Variants in STAT6 observed in about 807,000 individuals in gnomAD.
STAT6 encodes the protein signal transducer and activator of transcription 6.
In STAT6, 45 loss-of-function variants were observed where a neutral mutation model predicts 106.3. The ratio of observed to expected loss-of-function variants is 0.42; its 90% confidence interval spans 0.33 to 0.54. The LOEUF (loss-of-function observed/expected upper bound fraction) is 0.54, where lower values mean the gene tolerates loss of function less well. Among genes scored for constraint, STAT6 ranks in the 20% least tolerant of loss-of-function variants. The probability of loss-of-function intolerance (pLI) is 0.06; values close to 1 mark genes in which losing one functional copy is unlikely to be tolerated. For synonymous variants in STAT6, 413 were observed against 413.6 expected (o/e 1.00, Z 0.02); for missense variants, 797 against 1,062.2 (o/e 0.75, Z 3.47).
At chr12:57,110,862 C>T (rs1215894322) in intron 1 of STAT6, among the ~76,000 whole-genome samples, 1 of 152,100 alleles carries the variant, frequency 6.6e-6, no homozygotes, top group African/African-American at 2.4e-5. Context: ...CCTCCTTTCC[C>T]TGACTTTCCA....
Position 57,099,197 on chromosome 12 carries a change from G to A in STAT6, c.1891+97C>T. On this transcript the variant is annotated intron_variant, in intron 16 of 21. Transcript: ENST00000300134. This position sits in a 1 kb window ranked among gnomAD's most constrained non-coding sequence, Gnocchi z 4.7. The stretch of plus-strand genomic sequence containing the variant: ...GAAGCACAGCTATGAAATAGGGAGT[G>A]ACATCAGGATGACACGCGGGCAGGG... The A allele has an allele frequency of 6.3e-7, 1 of 1,595,100 alleles. No homozygotes were observed. Among genetic ancestry groups the A allele is most frequent in the East Asian group, 2.2e-5 (1 of 44,782 alleles).
intron 1 of STAT6, among the ~76,000 whole-genome samples, chr12:57,110,787 TG>T (rs1187196273): frequency 6.6e-6 from 1 of 152,058 alleles, no homozygotes; most frequent in African/African-American, 2.4e-5. Flanking sequence ...CACTGCCCTC[TG>T]GCATCAACCT....
chr12:57,097,382 TC>T (rs1170844130), intron 19 of STAT6: 3 of 352,842 alleles, frequency 8.5e-6, no homozygotes, highest in Non-Finnish European at 1.5e-5. Flanking sequence ...AGTCCCCAAG[TC>T]CTCACTCCCG....
chr12:57,100,672 GAAAGAAAGAAAGAAAGAAAGAAAGAA>G (rs1565684136), intron 13 of STAT6, among the ~76,000 whole-genome samples: 90 of 41,596 alleles, frequency 2.2e-3, no homozygotes, highest in East Asian at 5.3e-3. Context: ...AAGAAAGAAA[GAAAGAAAGAAAGAAAGAAAGAAAGAA>G]AGAGAAAGAA....
At chr12:57,105,640 T>G in intron 7 of STAT6, 41 bp from the exon 8 acceptor site, 6 of 1,603,680 alleles carry the variant, frequency 3.7e-6, no homozygotes, top group Non-Finnish European at 4.3e-6. Context: ...GGATTAAGGC[T>G]GCTTGCTCCG....
intron 2 of STAT6, 94 bp from the exon 3 acceptor site, chr12:57,107,837 C>G (rs2034371798): frequency 6.5e-7 from 1 of 1,537,512 alleles, no homozygotes; most frequent in Non-Finnish European, 8.8e-7. Context: ...CAGTTCCTTT[C>G]TCGCTCCTTA....
Position 57,106,568 on chromosome 12 carries a change from C to G in STAT6, c.491G>C (p.Ser164Thr), listed in dbSNP as rs1471782274. Reference protein sequence around the residue: ...GAEAGQVSLHSLIETPANGTG... With the variant: ...GAEAGQVSLHTLIETPANGTG... ...CCCATTAGCAGGAGTTTCTATCAAG[C>G]TGTGCAGAGACACTGAGGGTTGGGG... Residue 164 changes from serine (S) to threonine (T), a missense_variant, in exon 6 of 22, where the codon AGC (serine) becomes ACC (threonine). Physicochemically the swap from Ser to Thr is moderately conservative, Grantham distance 58 (BLOSUM62 1). This residue lies in a region of STAT6 where 336 missense variants were observed against 429.8 expected (regional missense o/e 0.78). Coordinates refer to ENST00000300134, the MANE Select transcript of STAT6 (RefSeq NM_003153.5). 6.2e-7 allele frequency: 1 copy of G among 1,614,190 alleles called. No homozygotes were observed. The highest frequency in any genetic ancestry group is 1.7e-5 in the Admixed American group (1 of 60,020).
rs1030603227 is a variant in STAT6 at position 57,104,329 on chromosome 12, G to A, written c.1212+135C>T. 4.1e-5 allele frequency: 53 copies of A among 1,306,934 alleles called. 2 individuals are homozygous for A. In the South Asian group the frequency reaches 5.0e-4, roughly 12 times the overall value. The allele number at this position is 1,306,934 out of a possible 1,614,324, so 81.0% of individuals were successfully genotyped here. A position where few individuals can be genotyped will look rare whatever the true frequency, so the allele number is the denominator to read the frequency against. The stretch of plus-strand genomic sequence containing the variant: ...TGCTCTTGCTCACCCCCACTCACCC[G>A]GGCCCCAGTGTGCATGAATCCCAGA... On this transcript the variant is annotated intron_variant, in intron 11 of 21. Coordinates refer to ENST00000300134, the MANE Select transcript of STAT6 (RefSeq NM_003153.5).
chr12:57,102,434 G>A lies in STAT6; in HGVS notation c.1368C>T (p.Asn456=). The part of the protein sequence containing the change: ...VPWEKMCETL[N]LKFMAEVGTN... ...TCCCCACCTCAGCCATGAACTTCAG[G>A]TTCAGAGTTTCACACATCTTCTCCC... is the stretch of plus-strand genomic sequence containing the variant. Residue 456 remains asparagine (N), a synonymous_variant, in exon 13 of 22, where the codon AAC becomes AAT. Coordinates refer to ENST00000300134, the MANE Select transcript of STAT6 (RefSeq NM_003153.5). 1.2e-6 allele frequency: 2 copies of A among 1,614,032 alleles called. No homozygotes were observed. Among genetic ancestry groups the A allele is most frequent in the Non-Finnish European group, 1.7e-6 (2 of 1,180,014 alleles).
In STAT6 at chr12:57,105,153, T is replaced by A. The variant is rs934307084; in HGVS notation, c.999A>T (p.Gly333=). The part of the protein sequence containing the change: ...ELSVPQGPGA[G]AESTGEIINN... ...CCCCAGGTCCAATCCCAGCTTACGC[T>A]CCAGCCCCAGGACCCTGAGGCACAC... is the stretch of plus-strand genomic sequence containing the variant. The change falls in exon 9 of 22, where the codon GGA becomes GGT. Residue 333 remains glycine (G), a splice_region_variant and synonymous_variant. Coordinates refer to ENST00000300134, the MANE Select transcript of STAT6 (RefSeq NM_003153.5). 6.2e-7 allele frequency: 1 copy of A among 1,609,720 alleles called. No individual in the cohort carries two copies. The highest frequency in any genetic ancestry group is 1.3e-5 in the African/African-American group (1 of 74,736).
intron 1 of STAT6, among the ~76,000 whole-genome samples, chr12:57,109,699 A>C (rs1042687826): frequency 1.3e-5 from 2 of 152,172 alleles, no homozygotes; most frequent in African/African-American, 4.8e-5. Context: ...CTAGAAGGCA[A>C]AGATGAGAGA....
chr12:57,098,256 A>G (rs912670287), intron 19 of STAT6, among the ~76,000 whole-genome samples: 8 of 152,186 alleles, frequency 5.3e-5, no homozygotes, highest in African/African-American at 1.9e-4. Flanking sequence ...TATTAGCATT[A>G]TTATCCCCCA....
chr12:57,105,109 C>T, intron 9 of STAT6, 42 bp downstream of exon 9: 1 of 1,577,944 alleles, frequency 6.3e-7, no homozygotes, highest in South Asian at 1.1e-5. Flanking sequence ...CCTCCATCAC[C>T]CTAACAGCCC....
At chr12:57,097,161 G>A (rs530030285) in intron 19 of STAT6, 28 bp from the exon 20 acceptor site, 4 of 1,499,580 alleles carry the variant, frequency 2.7e-6, no homozygotes, top group South Asian at 2.8e-5. Flanking sequence ...ACAGTTAGAG[G>A]AAGGCAGGCT....
Position 57,106,240 on chromosome 12 carries a change from C to T in STAT6, c.631G>A (p.Ala211Thr), listed in dbSNP as rs754893998. 1.2e-6 allele frequency: 2 copies of T among 1,614,232 alleles called. No individual in the cohort carries two copies. The highest frequency in any genetic ancestry group is 1.1e-5 in the South Asian group (1 of 91,092). The change falls in exon 7 of 22, where the codon GCA becomes ACA. Residue 211 changes from alanine to threonine, a missense_variant. Physicochemically the swap from Ala to Thr is moderately conservative, Grantham distance 58. Around this residue, in one of 4 missense-constraint regions of STAT6, gnomAD observed 336 missense variants for 429.8 expected, o/e 0.78. Transcript: ENST00000300134. ...TCCTCAAACGGTGCGCCATTCCCTG[C>T]CAGCTGCTGCTGCCGTTTCCAAATC... The part of the protein sequence containing the change: ...IQIWKRQQQL[A>T]GNGAPFEESL...
Position 57,099,998 on chromosome 12 carries a change from G to T in STAT6, c.1605C>A (p.Asp535Glu), listed in dbSNP as rs1317783336. 2 of 1,613,814 alleles carry T rather than the reference G, an allele frequency of 1.2e-6. No individual in the cohort carries two copies. The highest frequency in any genetic ancestry group is 1.6e-4 in the Middle Eastern group (1 of 6,062). ...GACTACCCAGGGTGGGGACTCACCG[G>T]TCAGACCAGTAGCTCCGGAGACAGC... ...TKRCLRSYWS[D>E]RLIIGFISKQ... Residue 535 changes from aspartate to glutamate, a missense_variant and splice_region_variant, in exon 14 of 22, where the codon GAC becomes GAA. Around this residue, in one of 4 missense-constraint regions of STAT6, gnomAD observed 222 missense variants for 354.6 expected, o/e 0.63. Coordinates refer to ENST00000300134, the MANE Select transcript of STAT6 (RefSeq NM_003153.5). The surrounding 1 kb of genome is among the most constrained non-coding windows in gnomAD (Gnocchi z 4.7).
intron 13 of STAT6, among the ~76,000 whole-genome samples, chr12:57,101,849 G>A (rs1479447721): frequency 2.0e-5 from 3 of 151,742 alleles, no homozygotes; most frequent in South Asian, 4.2e-4. Flanking sequence ...ATTTTTAGTA[G>A]AGATGGAGTT....
chr12:57,100,341 C>T (rs921587267), intron 13 of STAT6, among the ~76,000 whole-genome samples: 2 of 152,144 alleles, frequency 1.3e-5, no homozygotes, highest in Non-Finnish European at 2.9e-5. Flanking sequence ...TTCCATCTTA[C>T]AGATGAAGAA....
At chr12:57,101,555 G>C (rs888830113) in intron 13 of STAT6, among the ~76,000 whole-genome samples, 2 of 151,566 alleles carry the variant, frequency 1.3e-5, no homozygotes, top group Non-Finnish European at 2.9e-5. Context: ...GTAGAGACGG[G>C]GTTTTGCCAT....
Sources: gnomAD v4.1 joint callset for allele counts (sites outside exome capture counted in the v4.1 genomes callset) on GRCh38, gnomAD v4.1.1 for gene constraint, gnomAD v4.1.1 regional missense constraint, Gnocchi (gnomAD v3.1) non-coding constraint, MANE v1.5 for transcripts, NCBI Gene and HGNC (gene_info 2026-07-23, HGNC 2026-07-21) for gene names.